BBS9: variants seen among roughly 807,000 people sequenced by gnomAD.
BBS9 encodes the protein protein PTHB1.
BBS9 carries 89 observed loss-of-function variants against 117.7 expected under a neutral mutation model. That is an observed-to-expected ratio of 0.76 (90% CI 0.64 to 0.90). The LOEUF (loss-of-function observed/expected upper bound fraction) is 0.90. Ranked by LOEUF, BBS9 falls within the 40% of genes least tolerant of loss-of-function variation. The pLI is 0.00. For synonymous variants in BBS9, 379 were observed against 370.9 expected, an observed-to-expected ratio of 1.02 and a Z score of -0.25; for missense variants, 982 against 1,042.2, an observed-to-expected ratio of 0.94 and a Z score of 0.80.
chr7:33,618,037 A>G (rs116075244), intron 21 of BBS9, among the ~76,000 whole-genome samples: 140 of 152,272 alleles, frequency 9.2e-4, no homozygotes, highest in African/African-American at 3.2e-3. Context: ...AGAGTTCTTC[A>G]GGTTTAAATG....
At chr7:33,345,210 G>A (rs1456756790) in intron 12 of BBS9, among the ~76,000 whole-genome samples, 1 of 152,182 alleles carries the variant, frequency 6.6e-6, no homozygotes, top group Non-Finnish European at 1.5e-5. Flanking sequence ...TTAAGGATGT[G>A]GTTTTGGTTA....
At chr7:33,601,797 G>T (rs1397314114) in intron 21 of BBS9, among the ~76,000 whole-genome samples, 1 of 152,100 alleles carries the variant, frequency 6.6e-6, no homozygotes, top group East Asian at 1.9e-4. Flanking sequence ...ATAATTACAT[G>T]CCACAGCCCC....
At chr7:33,279,789 G>A (rs982931533) in intron 9 of BBS9, among the ~76,000 whole-genome samples, 1 of 152,014 alleles carries the variant, frequency 6.6e-6, no homozygotes, top group African/African-American at 2.4e-5. Context: ...CAGACTATGG[G>A]AAAATGAAAT....
chr7:33,146,978 G>A (rs1158882979), intron 2 of BBS9, among the ~76,000 whole-genome samples: 2 of 151,876 alleles, frequency 1.3e-5, no homozygotes, highest in African/African-American at 4.8e-5. Context: ...AAAATATTTT[G>A]TATTTTGAAA....
At chr7:33,386,789 C>T (rs1048806675) in intron 18 of BBS9, among the ~76,000 whole-genome samples, 6 of 152,164 alleles carry the variant, frequency 3.9e-5, no homozygotes, top group South Asian at 2.1e-4. Flanking sequence ...CCACCGTGCC[C>T]GGCCGCTTTC....
intron 21 of BBS9, among the ~76,000 whole-genome samples, chr7:33,564,226 A>C (rs932109937): frequency 6.6e-6 from 1 of 152,156 alleles, no homozygotes; most frequent in African/African-American, 2.4e-5. Flanking sequence ...TACACTATCC[A>C]CCCATGGCAC....
chr7:33,551,231 C>T (rs575341373), intron 21 of BBS9, among the ~76,000 whole-genome samples: 1 of 152,216 alleles, frequency 6.6e-6, no homozygotes, highest in East Asian at 1.9e-4. Context: ...TGCCAGGCCC[C>T]AGTTGACTGC....
At chr7:33,398,733 A>G (rs1828421458) in intron 19 of BBS9, among the ~76,000 whole-genome samples, 1 of 152,192 alleles carries the variant, frequency 6.6e-6, no homozygotes. Flanking sequence ...CATGTATTTT[A>G]TTTAATTAAT....
At chr7:33,450,414 T>A (rs191804227) in intron 19 of BBS9, among the ~76,000 whole-genome samples, 126 of 152,320 alleles carry the variant, frequency 8.3e-4, no homozygotes, top group Middle Eastern at 3.4e-3. Context: ...TAGATCATGT[T>A]GTAGTTCTAT....
chr7:33,304,064 G>T (rs1456819190), intron 9 of BBS9, among the ~76,000 whole-genome samples: 2 of 149,168 alleles, frequency 1.3e-5, no homozygotes, highest in Non-Finnish European at 3.0e-5. Flanking sequence ...GAAGTGAGGA[G>T]CGTCTCTGCC....
chr7:33,333,938 T>A (rs1284417222), intron 9 of BBS9, among the ~76,000 whole-genome samples: 5 of 152,072 alleles, frequency 3.3e-5, no homozygotes, highest in Non-Finnish European at 5.9e-5. Flanking sequence ...ATTGATTTTT[T>A]AAAAAGTAAA....
intron 5 of BBS9, among the ~76,000 whole-genome samples, chr7:33,221,036 A>T (rs1790147236): frequency 6.6e-6 from 1 of 152,222 alleles, no homozygotes; most frequent in African/African-American, 2.4e-5. Flanking sequence ...TCTCCTGCCT[A>T]GATTGTCTTT....
In BBS9 at chr7:33,336,623, G is replaced by A. The variant is rs773593564; in HGVS notation, c.1198+1G>A. 1.9e-6 allele frequency: 3 copies of A among 1,593,710 alleles called. No homozygotes were observed. The highest frequency in any genetic ancestry group is 2.2e-5 in the South Asian group (2 of 89,994). ...ATCAAAGATGTTAACAAATCACAAGGTATCTCATTTGCAGCTTTTTATTAT... is the reference window on the plus strand; with the variant it reads ...ATCAAAGATGTTAACAAATCACAAGATATCTCATTTGCAGCTTTTTATTAT... On this transcript the variant is annotated splice_donor_variant, in intron 10 of 22. Transcript: ENST00000242067. LOFTEE classifies it high-confidence loss of function.
Position 33,450,872 on chromosome 7 carries a change from T to TG in BBS9, c.2116-54591_2116-54590insG, listed in dbSNP as rs944849508. 6.1e-4 allele frequency among the ~76,000 whole-genome samples: 84 copies of TG among 136,792 alleles called. 2 individuals carry two copies. In the East Asian group the frequency reaches 0.017, roughly 28 times the overall value. The allele number at this position is 136,792 out of a possible 152,430, so 89.7% of individuals were successfully genotyped here. The stretch of plus-strand genomic sequence containing the variant: ...TCCTTTGCTGTTCAGAAGTTTTTTT[T>TG]TTTTGTTTTTTTGTTTTTTTGTTTT... On this transcript the variant is annotated intron_variant, in intron 19 of 22. Transcript: ENST00000242067.
intron 21 of BBS9, among the ~76,000 whole-genome samples, chr7:33,613,662 ATGTT>A (rs1864991195): frequency 6.6e-6 from 1 of 152,048 alleles, no homozygotes; most frequent in African/African-American, 2.4e-5. Context: ...CAACCTCACT[ATGTT>A]TGCAACATAC....
chr7:33,290,341 A>G (rs529911841), intron 9 of BBS9, among the ~76,000 whole-genome samples: 1 of 152,310 alleles, frequency 6.6e-6, no homozygotes, highest in Non-Finnish European at 1.5e-5. Context: ...TGGAGACAAT[A>G]TCCAGAGTAC....
chr7:33,435,845 G>A (rs370983170), intron 19 of BBS9, among the ~76,000 whole-genome samples: 6 of 152,250 alleles, frequency 3.9e-5, no homozygotes, highest in African/African-American at 4.8e-5. Context: ...TCAGATATGT[G>A]AAAACTTTTG....
intron 9 of BBS9, among the ~76,000 whole-genome samples, chr7:33,289,431 T>A (rs1299741648): frequency 6.6e-6 from 1 of 152,212 alleles, no homozygotes; most frequent in Non-Finnish European, 1.5e-5. Context: ...AGATAAATTA[T>A]TAAGTATTTT....
chr7:33,405,180 T>G (rs1237755014), intron 19 of BBS9, among the ~76,000 whole-genome samples: 1 of 152,236 alleles, frequency 6.6e-6, no homozygotes, highest in African/African-American at 2.4e-5. Flanking sequence ...CAGCCTTGCA[T>G]CCCAGGGATG....
Sources: allele counts gnomAD v4.1 joint callset (sites outside exome capture counted in the v4.1 genomes callset), GRCh38; gene constraint gnomAD v4.1.1; transcripts MANE v1.5; gene names NCBI Gene and HGNC (gene_info 2026-07-23, HGNC 2026-07-21).